MUC7: variants seen among roughly 807,000 people sequenced by gnomAD.
MUC7 encodes mucin-7.
A neutral mutation model predicts 2.5 loss-of-function variants in MUC7; 2 were observed. The ratio of observed to expected loss-of-function variants is 0.81; its 90% CI spans 0.33 to 2.55. The LOEUF (loss-of-function observed/expected upper bound fraction) is 2.55. MUC7 is among the 30% of genes most tolerant of loss of function. The pLI, the probability that MUC7 is intolerant of heterozygous loss-of-function variation, is 0.11. For synonymous variants in MUC7, 133 were observed against 173.4 expected (o/e 0.77, Z 1.83); for missense variants, 408 against 455.6 (o/e 0.90, Z 0.95).
intron 1 of MUC7, among the ~76,000 whole-genome samples, chr4:70,438,721 G>A (rs573279569): frequency 5.3e-5 from 8 of 152,166 alleles, no homozygotes; most frequent in African/African-American, 1.4e-4. Flanking sequence ...ACCTCCCAAA[G>A]TGCTGGGATT....
At chr4:70,459,252 A>G (rs1734489286) in intron 1 of MUC7, among the ~76,000 whole-genome samples, 1 of 152,226 alleles carries the variant, frequency 6.6e-6, no homozygotes, top group Non-Finnish European at 1.5e-5. Flanking sequence ...ATGCAGCCGT[A>G]AAAAATGATG....
intron 2 of MUC7, among the ~76,000 whole-genome samples, chr4:70,474,736 T>A (rs923364975): frequency 4.6e-5 from 7 of 152,028 alleles, no homozygotes; most frequent in African/African-American, 1.7e-4. Context: ...TTCAAATCTG[T>A]CAGGAAGTCT....
intron 1 of MUC7, among the ~76,000 whole-genome samples, chr4:70,472,901 A>C (rs189167124): frequency 1.5e-4 from 23 of 152,298 alleles, no homozygotes; most frequent in African/African-American, 5.5e-4. Context: ...ATATGATTTA[A>C]CCTTTATTTT....
rs189158421 is a variant in MUC7, at chr4:70,441,034, G to C, written c.-93+10347G>C. Among the ~76,000 whole-genome samples, 578 of 152,216 alleles carry C rather than the reference G, an allele frequency of 3.8e-3. 1 individual carries two copies. Among genetic ancestry groups the C allele is most frequent in the African/African-American group, 0.013 (540 of 41,548 alleles). ...TTAAAGCATTTTAAGAGCTTCCAAAGAGTAAACTATAAAGATTGGAATAAA... is the reference window on the plus strand; with the variant it reads ...TTAAAGCATTTTAAGAGCTTCCAAACAGTAAACTATAAAGATTGGAATAAA... On this transcript the variant is annotated intron_variant, in intron 1 of 3. Coordinates refer to the MUC7 transcript ENST00000413702.
intron 2 of MUC7, among the ~76,000 whole-genome samples, chr4:70,476,943 A>G (rs1158901061): frequency 1.3e-5 from 2 of 152,300 alleles, no homozygotes; most frequent in Admixed American, 1.3e-4. Context: ...AGATGTCCCA[A>G]AGAAAGACTT....
chr4:70,453,788 A>G (rs1045465605), intron 1 of MUC7, among the ~76,000 whole-genome samples: 1 of 152,142 alleles, frequency 6.6e-6, no homozygotes, highest in African/African-American at 2.4e-5. Flanking sequence ...AATAACCAGC[A>G]GCAATATGGC....
At chr4:70,441,569 C>CA (rs1156298147) in intron 1 of MUC7, among the ~76,000 whole-genome samples, 2 of 151,724 alleles carry the variant, frequency 1.3e-5, no homozygotes, top group African/African-American at 4.8e-5. Flanking sequence ...TTCTCTCAAA[C>CA]AAAAAAATGG....
At position 70,482,161 on chromosome 4, in the gene MUC7, A is replaced by C; in HGVS notation, c.*283A>C. Reference sequence around the variant, plus strand: ...AAAGAAAGTCCTTAGATAAAGAGAGAATATTGTATGGGCCATCAACCATTT... The same window carrying C: ...AAAGAAAGTCCTTAGATAAAGAGAGCATATTGTATGGGCCATCAACCATTT... On this transcript the variant is annotated 3_prime_UTR_variant, in exon 3 of 3. Coordinates refer to ENST00000304887, the MANE Select transcript of MUC7 (RefSeq NM_152291.3). 1 of 374,124 alleles carries C rather than the reference A, an allele frequency of 2.7e-6. No homozygotes were observed. Among genetic ancestry groups the C allele is most frequent in the South Asian group, 3.8e-5 (1 of 26,616 alleles). The allele number at this position is 374,124 out of a possible 1,614,324, so 23.2% of individuals were successfully genotyped here.
At chr4:70,439,233 A>C (rs1457259233) in intron 1 of MUC7, among the ~76,000 whole-genome samples, 2 of 152,246 alleles carry the variant, frequency 1.3e-5, no homozygotes, top group African/African-American at 4.8e-5. Context: ...AGAGAATTCT[A>C]GACAAAAGTC....
chr4:70,470,620 C>A (rs1287444568), upstream of MUC7, among the ~76,000 whole-genome samples: 2 of 152,022 alleles, frequency 1.3e-5, no homozygotes, highest in African/African-American at 4.8e-5. Flanking sequence ...TACAACTTAT[C>A]ACTAATTGGG....
intron 2 of MUC7, among the ~76,000 whole-genome samples, chr4:70,475,901 A>G (rs959602590): frequency 6.6e-6 from 1 of 152,124 alleles, no homozygotes; most frequent in African/African-American, 2.4e-5. Flanking sequence ...CTTACCTTAT[A>G]ATATCCCCCA....
intron 2 of MUC7, 27 bp downstream of exon 2, chr4:70,474,102 T>G: frequency 6.3e-7 from 1 of 1,596,480 alleles, no homozygotes; most frequent in Non-Finnish European, 8.6e-7. Flanking sequence ...ATAAGTTTTT[T>G]CCTTAACTAT....
At chr4:70,474,714 G>GACCTAAA (rs1734945082) in intron 2 of MUC7, among the ~76,000 whole-genome samples, 1 of 152,138 alleles carries the variant, frequency 6.6e-6, no homozygotes, top group Non-Finnish European at 1.5e-5. Context: ...AGGTCTTGGT[G>GACCTAAA]TGGAATATGG....
chr4:70,432,815 C>G (rs1733715434), intron 1 of MUC7, among the ~76,000 whole-genome samples: 1 of 152,108 alleles, frequency 6.6e-6, no homozygotes, highest in African/African-American at 2.4e-5. Flanking sequence ...ATGTCTATGT[C>G]CTGAATGGTA....
rs1477675829 is a variant in MUC7, at chr4:70,481,960, A to G, written c.*82A>G. On this transcript the variant is annotated 3_prime_UTR_variant, in exon 3 of 3. Transcript: ENST00000304887. Reference sequence around the variant, plus strand: ...AACTACCACCTTTCTTTTAGCACCAATCCCAACATGAAATTATATTACTCA... The same window carrying G: ...AACTACCACCTTTCTTTTAGCACCAGTCCCAACATGAAATTATATTACTCA... 1 of 1,439,356 alleles carries G rather than the reference A, an allele frequency of 6.9e-7. No homozygotes were observed. Among genetic ancestry groups the G allele is most frequent in the Admixed American group, 2.1e-5 (1 of 47,654 alleles). 89.2% of individuals were successfully genotyped at this position (1,439,356 alleles called of 1,614,324 possible).
intron 1 of MUC7, among the ~76,000 whole-genome samples, chr4:70,450,998 G>C (rs201302346): frequency 6.6e-6 from 1 of 151,948 alleles, no homozygotes; most frequent in African/African-American, 2.4e-5. Context: ...CTGTCTCTGA[G>C]CTGGTTCACC....
intron 1 of MUC7, among the ~76,000 whole-genome samples, chr4:70,436,072 C>A (rs908509731): frequency 6.6e-6 from 1 of 152,076 alleles, no homozygotes; most frequent in Non-Finnish European, 1.5e-5. Context: ...CACAGATCTG[C>A]TGTTAGTCTG....
intron 2 of MUC7, among the ~76,000 whole-genome samples, chr4:70,479,404 C>T (rs1577917270): frequency 6.6e-6 from 1 of 152,156 alleles, no homozygotes; most frequent in East Asian, 1.9e-4. Context: ...CAGCTAGTCT[C>T]TCAGAAGTTG....
chr4:70,450,754 G>A (rs1253489636), intron 1 of MUC7, among the ~76,000 whole-genome samples: 2 of 152,118 alleles, frequency 1.3e-5, no homozygotes, highest in African/African-American at 2.4e-5. Flanking sequence ...GGGAACTAGG[G>A]CCTGGAACAA....
Sources: gnomAD v4.1 joint callset for allele counts (sites outside exome capture counted in the v4.1 genomes callset) on GRCh38, gnomAD v4.1.1 for gene constraint, MANE v1.5 for transcripts, NCBI Gene and HGNC (gene_info 2026-07-23, HGNC 2026-07-21) for gene names.